ZRANB3: variants seen among roughly 807,000 people sequenced by gnomAD.
ZRANB3 encodes the protein zinc finger RANBP2-type containing 3.
In ZRANB3, 125 loss-of-function variants were observed where a neutral mutation model predicts 133.8. That is an observed-to-expected ratio of 0.93 (90% CI 0.81 to 1.08). The LOEUF (loss-of-function observed/expected upper bound fraction) is 1.08, where lower values mean the gene tolerates loss of function less well. Ranked by LOEUF, ZRANB3 falls within the 50% of genes least tolerant of loss-of-function variation. The probability of loss-of-function intolerance (pLI) is 0.00; values close to 1 mark genes in which losing one functional copy is unlikely to be tolerated. For synonymous variants in ZRANB3, 387 were observed against 432.7 expected (o/e 0.89, Z 1.31); for missense variants, 1,229 against 1,275.5 (o/e 0.96, Z 0.56).
chr2:135,494,262 C>T (rs11898657), intron 2 of ZRANB3, among the ~76,000 whole-genome samples: 8,210 of 134,988 alleles, frequency 0.061, 568 homozygotes, highest in African/African-American at 0.17. Flanking sequence ...GAGCTGAGAT[C>T]GCGCCACTGC....
At chr2:135,347,251 C>A (rs576406734) in intron 5 of ZRANB3, among the ~76,000 whole-genome samples, 1 of 151,636 alleles carries the variant, frequency 6.6e-6, no homozygotes, top group Non-Finnish European at 1.5e-5. Flanking sequence ...TGTAACTATA[C>A]ACATGAGTAT....
At chr2:135,339,155 T>C (rs1416417667) in intron 6 of ZRANB3, among the ~76,000 whole-genome samples, 2 of 152,124 alleles carry the variant, frequency 1.3e-5, no homozygotes, top group Non-Finnish European at 2.9e-5. Flanking sequence ...CTCATGCCTG[T>C]AATCCCAGCA....
intron 8 of ZRANB3, among the ~76,000 whole-genome samples, chr2:135,296,154 A>T (rs902135686): frequency 6.6e-6 from 1 of 152,130 alleles, no homozygotes; most frequent in Non-Finnish European, 1.5e-5. Flanking sequence ...GTTCTCCTGG[A>T]TAATATCCTG....
chr2:135,520,689 A>G (rs1369620378), intron 1 of ZRANB3, among the ~76,000 whole-genome samples: 1 of 151,998 alleles, frequency 6.6e-6, no homozygotes, highest in Non-Finnish European at 1.5e-5. Flanking sequence ...GGTTCAAGCA[A>G]TTCTCCTGTC....
chr2:135,235,841 GACAAAA>G (rs1208984801), intron 12 of ZRANB3, among the ~76,000 whole-genome samples: 3 of 150,402 alleles, frequency 2.0e-5, no homozygotes, highest in Non-Finnish European at 4.4e-5. Context: ...ATACTGAATG[GACAAAA>G]ACTGGAAGCA....
Position 135,219,125 on chromosome 2 carries a change from A to G in ZRANB3, c.2304T>C (p.Leu768=), listed in dbSNP as rs750847284. ...NFIPLDIKLD[L]WEDLPASFQL... Reference sequence around the variant, plus strand: ...GAAAGCTTGCTGGTAAATCTTCCCAAAGGTCTAATTTTATATCCAGAGGAA... The same window carrying G: ...GAAAGCTTGCTGGTAAATCTTCCCAGAGGTCTAATTTTATATCCAGAGGAA... Residue 768 remains leucine, a synonymous_variant, in exon 16 of 21, where the codon CTT becomes CTC. Coordinates refer to ENST00000264159, the MANE Select transcript of ZRANB3 (RefSeq NM_032143.4). 6.5e-7 allele frequency: 1 copy of G among 1,539,636 alleles called. No individual in the cohort carries two copies. Among genetic ancestry groups the G allele is most frequent in the Non-Finnish European group, 8.7e-7 (1 of 1,147,830 alleles).
intron 2 of ZRANB3, among the ~76,000 whole-genome samples, chr2:135,423,286 T>C (rs1047266939): frequency 6.6e-6 from 1 of 152,080 alleles, no homozygotes; most frequent in African/African-American, 2.4e-5. Context: ...ATACAAAAAT[T>C]AGCCGGATGT....
chr2:135,320,132 C>CT (rs1683451949), intron 6 of ZRANB3, among the ~76,000 whole-genome samples: 1 of 152,140 alleles, frequency 6.6e-6, no homozygotes, highest in South Asian at 2.1e-4. Flanking sequence ...CCTCGATCTC[C>CT]TGGGCTCAAG....
intron 1 of ZRANB3, among the ~76,000 whole-genome samples, chr2:135,522,351 C>A (rs2104844094): frequency 6.6e-6 from 1 of 152,284 alleles, no homozygotes; most frequent in South Asian, 2.1e-4. Flanking sequence ...ACGAGCAAGC[C>A]TCCGATGCTC....
intron 2 of ZRANB3, among the ~76,000 whole-genome samples, chr2:135,473,391 G>A (rs1691362213): frequency 6.6e-6 from 1 of 152,094 alleles, no homozygotes; most frequent in African/African-American, 2.4e-5. Flanking sequence ...TTTGAGCTGG[G>A]AAAAGGACAT....
chr2:135,360,523 G>T (rs530018724), intron 3 of ZRANB3, among the ~76,000 whole-genome samples: 48 of 151,598 alleles, frequency 3.2e-4, no homozygotes, highest in South Asian at 6.2e-4. Context: ...GGCTAACACG[G>T]TGAAACCCCA....
At chr2:135,289,925 G>A (rs548126466) in intron 8 of ZRANB3, among the ~76,000 whole-genome samples, 22 of 152,156 alleles carry the variant, frequency 1.4e-4, no homozygotes, top group African/African-American at 5.1e-4. Flanking sequence ...AAAAACATTC[G>A]ATTTTCTGAA....
chr2:135,495,464 A>C lies in ZRANB3; in HGVS notation c.161+8865T>G, dbSNP rs566739328. On this transcript the variant is annotated intron_variant, in intron 2 of 20. Transcript: ENST00000264159. Reference sequence around the variant, plus strand: ...AGATTAAAGGAGCATAATGTATGCAACCTACTCTCAAATGGTTTATAAAAA... The same window carrying C: ...AGATTAAAGGAGCATAATGTATGCACCCTACTCTCAAATGGTTTATAAAAA... 2.1e-4 allele frequency among the ~76,000 whole-genome samples: 32 copies of C among 152,318 alleles called. No homozygotes were observed. The South Asian group carries it at 5.6e-3, about 27-fold the overall frequency.
chr2:135,230,909 G>C lies in ZRANB3; in HGVS notation c.1558C>G (p.His520Asp). 2 of 1,558,432 alleles carry C rather than the reference G, an allele frequency of 1.3e-6. No homozygotes were observed. Among genetic ancestry groups the C allele is most frequent in the Non-Finnish European group, 1.7e-6 (2 of 1,154,430 alleles). The change falls in exon 13 of 21, where the codon CAT (histidine) becomes GAT (aspartate). Residue 520 changes from histidine (H) to aspartate (D), a missense_variant. By Grantham distance (81) the His-to-Asp change is moderately conservative. Transcript: ENST00000264159. ...GGTACAAAAAATGATCGAATATCAT[G>C]CTGTTTTTCTTTTTCGAACTAGGAA... ...LFTHFEKEKQ[H>D]DIRSFFVPQP...
intron 19 of ZRANB3, among the ~76,000 whole-genome samples, chr2:135,204,756 TTA>T (rs918194168): frequency 7.0e-4 from 98 of 140,624 alleles, no homozygotes; most frequent in South Asian, 1.5e-3. Context: ...TATTATATAT[TTA>T]TATATATATT....
At position 135,317,506 on chromosome 2, in the gene ZRANB3, C is replaced by T. The variant is rs151318706; in HGVS notation, c.678-1976G>A. 1.4e-4 allele frequency among the ~76,000 whole-genome samples: 22 copies of T among 152,330 alleles called. No homozygotes were observed. The East Asian group carries it at 4.2e-3, about 29-fold the overall frequency. ...ATTGTACAGGTGTGCAGTATGCTAG[C>T]TGGAGGCCTTTTGGTATGACTGCTA... is the stretch of plus-strand genomic sequence containing the variant. On this transcript the variant is annotated intron_variant, in intron 6 of 20. Coordinates refer to ENST00000264159, the MANE Select transcript of ZRANB3 (RefSeq NM_032143.4).
chr2:135,436,665 T>C (rs1414009897), intron 2 of ZRANB3, among the ~76,000 whole-genome samples: 6 of 152,130 alleles, frequency 3.9e-5, no homozygotes. Flanking sequence ...AAAGAATCAA[T>C]ATCATTAAAA....
At chr2:135,482,343 G>A (rs1320419291) in intron 2 of ZRANB3, among the ~76,000 whole-genome samples, 10 of 139,126 alleles carry the variant, frequency 7.2e-5, no homozygotes, top group African/African-American at 3.0e-4. Context: ...TCCCTTGTAA[G>A]TTGGATTCCT....
At chr2:135,325,697 G>A (rs1683780330) in intron 6 of ZRANB3, among the ~76,000 whole-genome samples, 1 of 152,176 alleles carries the variant, frequency 6.6e-6, no homozygotes, top group African/African-American at 2.4e-5. Flanking sequence ...ACCCGGCCAT[G>A]AGGCAGGCCA....
Sources: allele counts gnomAD v4.1 joint callset (sites outside exome capture counted in the v4.1 genomes callset), GRCh38; gene constraint gnomAD v4.1.1; transcripts MANE v1.5; gene names NCBI Gene and HGNC (gene_info 2026-07-23, HGNC 2026-07-21).